Variants in KALRN observed in about 807,000 individuals in gnomAD.
KALRN encodes kalirin.
Under a neutral mutation model 353.7 loss-of-function variants are expected in KALRN, and 70 were observed. The observed-to-expected ratio is 0.20, with a 90% CI of 0.16 to 0.24. The LOEUF is 0.24. Among genes scored for constraint, KALRN ranks in the 10% least tolerant of loss-of-function variants. The pLI is 1.00. For missense variants in KALRN, 2,791 were observed against 3,756.7 expected (o/e 0.74, Z 6.72); for synonymous variants, 1,391 against 1,434.8 (o/e 0.97, Z 0.69).
At chr3:124,136,992 G>A (rs1401019552) in intron 1 of KALRN, among the ~76,000 whole-genome samples, 2 of 152,272 alleles carry the variant, frequency 1.3e-5, no homozygotes, top group East Asian at 3.9e-4. Flanking sequence ...ATGGGGCAGA[G>A]CAGCTGTGAG....
chr3:124,586,240 G>A (rs1027858935), intron 34 of KALRN, among the ~76,000 whole-genome samples: 7 of 152,212 alleles, frequency 4.6e-5, no homozygotes, highest in Non-Finnish European at 8.8e-5. Flanking sequence ...GGGGAATAAA[G>A]CGCGGAGGAA....
At chr3:124,295,978 A>G (rs1371911032) in intron 5 of KALRN, among the ~76,000 whole-genome samples, 2 of 152,228 alleles carry the variant, frequency 1.3e-5, no homozygotes, top group African/African-American at 4.8e-5. Context: ...CAACCTCTAC[A>G]GGAGCCCCAG....
At chr3:124,302,378 C>G (rs1258900356) in intron 6 of KALRN, among the ~76,000 whole-genome samples, 1 of 152,144 alleles carries the variant, frequency 6.6e-6, no homozygotes, top group Non-Finnish European at 1.5e-5. Context: ...AGGGGGTGGT[C>G]AGGTCAGGTA....
chr3:124,102,561 T>C (rs1223254468), intron 1 of KALRN, among the ~76,000 whole-genome samples: 1 of 152,180 alleles, frequency 6.6e-6, no homozygotes, highest in Non-Finnish European at 1.5e-5. Context: ...TTGTGAGCCT[T>C]GAAGGAGCTA....
At chr3:124,597,512 G>T (rs980128646) in intron 34 of KALRN, among the ~76,000 whole-genome samples, 4 of 152,142 alleles carry the variant, frequency 2.6e-5, no homozygotes, top group Non-Finnish European at 5.9e-5. Context: ...GTGCTAAAGA[G>T]CAGGAAGGGG....
At position 124,359,386 on chromosome 3, in the gene KALRN, A is replaced by T. The variant is rs377756095; in HGVS notation, c.1770+12121A>T. 6.0e-4 allele frequency among the ~76,000 whole-genome samples: 91 copies of T among 152,320 alleles called. 3 individuals are homozygous for T. The East Asian group carries it at 8.9e-3, about 15-fold the overall frequency. On this transcript the variant is annotated intron_variant, in intron 10 of 59. Coordinates refer to ENST00000682506, the MANE Select transcript of KALRN (RefSeq NM_001388419.1). ...TTGGCCCAGACCAGATAGTTATTTCATCCCTTTCCTTTTACCTTTTGCTGA... is the reference window on the plus strand; with the variant it reads ...TTGGCCCAGACCAGATAGTTATTTCTTCCCTTTCCTTTTACCTTTTGCTGA...
chr3:124,716,329 G>T (rs1382948287), intron 58 of KALRN, among the ~76,000 whole-genome samples: 1 of 152,166 alleles, frequency 6.6e-6, no homozygotes, highest in Non-Finnish European at 1.5e-5. Context: ...TTTGAGACCA[G>T]CCTGGCCAAC....
Position 124,434,518 on chromosome 3 carries a change from C to G in KALRN, c.3041C>G (p.Ser1014Cys), listed in dbSNP as rs1259621731. The G allele has an allele frequency of 1.2e-6, 2 of 1,614,002 alleles. No homozygotes were observed. The highest frequency in any genetic ancestry group is 8.5e-7 in the Non-Finnish European group (1 of 1,179,980). ...GCCTCTGTGGCCTTTTACAAAACTT[C>G]TGAACAGGTGAGGGAAAAGACTGTG... is the stretch of plus-strand genomic sequence containing the variant. The part of the protein sequence containing the change: ...VNASVAFYKT[S>C]EQVCSVLESL... Residue 1014 changes from serine to cysteine, a missense_variant, in exon 17 of 60, where the codon TCT (serine) becomes TGT (cysteine). By Grantham distance (112) the Ser-to-Cys change is moderately radical. Transcript: ENST00000682506.
intron 42 of KALRN, 72 bp downstream of exon 42, chr3:124,658,589 C>T (rs1318990790): frequency 2.3e-5 from 26 of 1,125,472 alleles, no homozygotes; most frequent in Non-Finnish European, 3.0e-5. Flanking sequence ...TTCAGAAATA[C>T]CAGACGTCAT....
At chr3:124,239,963 T>C (rs190743826) in intron 3 of KALRN, among the ~76,000 whole-genome samples, 53 of 152,352 alleles carry the variant, frequency 3.5e-4, no homozygotes, top group Non-Finnish European at 5.9e-5. Context: ...TAGGTCACAT[T>C]GTTTACATTT....
chr3:124,536,163 G>A (rs376315581), intron 33 of KALRN, among the ~76,000 whole-genome samples: 3 of 151,732 alleles, frequency 2.0e-5, no homozygotes, highest in African/African-American at 7.3e-5. Context: ...GATGGACTCT[G>A]GGAGGCACTT....
chr3:124,506,837 G>A (rs1341483668), intron 33 of KALRN, among the ~76,000 whole-genome samples: 2 of 152,182 alleles, frequency 1.3e-5, no homozygotes, highest in Non-Finnish European at 2.9e-5. Flanking sequence ...AGCAATAGAA[G>A]ATATTAAAAA....
At chr3:124,204,019 G>GT (rs2076186573) in intron 1 of KALRN, among the ~76,000 whole-genome samples, 1 of 152,172 alleles carries the variant, frequency 6.6e-6, no homozygotes, top group South Asian at 2.1e-4. Flanking sequence ...GTATTCTTGG[G>GT]TTTTGGTATA....
At chr3:124,510,100 C>T (rs2065723515) in intron 33 of KALRN, among the ~76,000 whole-genome samples, 1 of 152,206 alleles carries the variant, frequency 6.6e-6, no homozygotes, top group Non-Finnish European at 1.5e-5. Context: ...GTATTTCGCA[C>T]TACACCAGAA....
intron 1 of KALRN, among the ~76,000 whole-genome samples, chr3:124,052,229 G>A (rs2041112112): frequency 6.6e-6 from 1 of 152,200 alleles, no homozygotes; most frequent in African/African-American, 2.4e-5. Flanking sequence ...AGCCCCCTTG[G>A]GGAGGATCAT....
chr3:124,067,748 C>T (rs574446636), intron 1 of KALRN, among the ~76,000 whole-genome samples: 207 of 152,362 alleles, frequency 1.4e-3, no homozygotes, highest in African/African-American at 4.8e-3. Context: ...GTTCACAACA[C>T]ACACTCACTT....
intron 33 of KALRN, among the ~76,000 whole-genome samples, chr3:124,516,091 C>T (rs778056431): frequency 6.6e-6 from 1 of 152,110 alleles, no homozygotes; most frequent in African/African-American, 2.4e-5. Context: ...TCTTTAACCC[C>T]CAATGGATAT....
chr3:124,386,489 T>C (rs983763828), intron 11 of KALRN, among the ~76,000 whole-genome samples: 18 of 152,022 alleles, frequency 1.2e-4, no homozygotes, highest in Non-Finnish European at 2.6e-4. Flanking sequence ...TTCCAGGAAT[T>C]CCTCTAGCTA....
At chr3:124,665,487 C>T (rs1462731767) in intron 45 of KALRN, among the ~76,000 whole-genome samples, 1 of 152,082 alleles carries the variant, frequency 6.6e-6, no homozygotes, top group Non-Finnish European at 1.5e-5. Flanking sequence ...TATTTAGATA[C>T]AGAATCTCAC....
Sources: allele counts gnomAD v4.1 joint callset (sites outside exome capture counted in the v4.1 genomes callset), GRCh38; gene constraint gnomAD v4.1.1; transcripts MANE v1.5; gene names NCBI Gene and HGNC (gene_info 2026-07-23, HGNC 2026-07-21).